GMPS: variants seen among roughly 807,000 people sequenced by gnomAD.
The protein encoded by GMPS is guanosine monophosphate synthase.
In GMPS, 15 loss-of-function variants were observed where a neutral mutation model predicts 77.9. The ratio of observed to expected loss-of-function variants is 0.19; its 90% confidence interval spans 0.13 to 0.30. The LOEUF (loss-of-function observed/expected upper bound fraction) is 0.30. Ranked by LOEUF, GMPS falls within the 10% of genes least tolerant of loss-of-function variation. GMPS has a pLI of 1.00. For synonymous variants in GMPS, 224 were observed against 275.9 expected (o/e 0.81, Z 1.86); for missense variants, 590 against 838.8 (o/e 0.70, Z 3.66).
At chr3:155,914,930 A>C (rs1755135732) in intron 8 of GMPS, among the ~76,000 whole-genome samples, 1 of 151,570 alleles carries the variant, frequency 6.6e-6, no homozygotes, top group Non-Finnish European at 1.5e-5. Flanking sequence ...CATCATGCCC[A>C]GCTAATTTTT....
rs1755122967 is a variant in GMPS, at chr3:155,914,531, T to G, written c.999T>G (p.Pro333=). The G allele has an allele frequency of 6.3e-6, 10 of 1,595,440 alleles. No homozygotes were observed. The highest frequency in any genetic ancestry group is 1.4e-5 in the African/African-American group (1 of 73,860). ...ISKTLNMTTS[P]EEKRKIIGDT... ...AAACGTTAAATATGACCACAAGTCC[T>G]GAAGAGAAAAGAAAAATCATTGGGG... The change falls in exon 8 of 16, where the codon CCT becomes CCG. Residue 333 remains proline, a synonymous_variant. Coordinates refer to ENST00000496455, the MANE Select transcript of GMPS (RefSeq NM_003875.3).
chr3:155,930,656 A>G (rs1308348080), intron 12 of GMPS, among the ~76,000 whole-genome samples: 1 of 152,186 alleles, frequency 6.6e-6, no homozygotes, highest in African/African-American at 2.4e-5. Flanking sequence ...ACTCAAACAA[A>G]TTTACAAGAA....
intron 1 of GMPS, among the ~76,000 whole-genome samples, chr3:155,887,627 A>G (rs1006273556): frequency 6.6e-6 from 1 of 152,212 alleles, no homozygotes; most frequent in African/African-American, 2.4e-5. Flanking sequence ...AAAACCATAA[A>G]CACCTTGTTT....
chr3:155,925,400 CTTTTTT>C, intron 12 of GMPS, 34 bp downstream of exon 12: 1 of 1,249,182 alleles, frequency 8.0e-7, no homozygotes. Flanking sequence ...CAGTGATATA[CTTTTTT>C]TTTTTTTTCT....
rs58227176 is a variant in GMPS, at chr3:155,942,236, G to A, written c.*4544G>A. The A allele has an allele frequency of 0.081, 14,759 of 181,650 alleles. 714 individuals are homozygous for A. Among genetic ancestry groups the A allele is most frequent in the South Asian group, 0.11 (548 of 5,052 alleles). 11.3% of individuals were successfully genotyped at this position (181,650 alleles called of 1,614,324 possible). A position where few individuals can be genotyped will look rare whatever the true frequency, so the allele number is the denominator to read the frequency against. ...CGAGTAGCTGGGACTACAGGCGCCCGCCACTACGCCCGGCTAATTTTTTTG... is the reference window on the plus strand; with the variant it reads ...CGAGTAGCTGGGACTACAGGCGCCCACCACTACGCCCGGCTAATTTTTTTG... On this transcript the variant is annotated 3_prime_UTR_variant, in exon 16 of 16. Transcript: ENST00000496455.
chr3:155,882,413 A>T (rs1754231041), intron 1 of GMPS, among the ~76,000 whole-genome samples: 1 of 152,318 alleles, frequency 6.6e-6, no homozygotes, highest in Admixed American at 6.5e-5. Flanking sequence ...AGAGAGTTAC[A>T]TATGTCTGGT....
At chr3:155,890,890 T>G (rs1344543201) in intron 1 of GMPS, among the ~76,000 whole-genome samples, 1 of 152,238 alleles carries the variant, frequency 6.6e-6, no homozygotes, top group East Asian at 1.9e-4. Flanking sequence ...TGCTGCATTT[T>G]CATCTTTGTT....
At chr3:155,899,180 C>G (rs1310985415) in intron 3 of GMPS, among the ~76,000 whole-genome samples, 1 of 152,040 alleles carries the variant, frequency 6.6e-6, no homozygotes, top group Non-Finnish European at 1.5e-5. Flanking sequence ...CCAGCCTGAC[C>G]AACATGGAGA....
At chr3:155,878,297 T>C (rs1472021908) in intron 1 of GMPS, among the ~76,000 whole-genome samples, 1 of 152,248 alleles carries the variant, frequency 6.6e-6, no homozygotes, top group Non-Finnish European at 1.5e-5. Flanking sequence ...TCACTTAGCA[T>C]AATGCTTTCA....
intron 12 of GMPS, among the ~76,000 whole-genome samples, chr3:155,930,011 C>G (rs1186827450): frequency 2.7e-5 from 4 of 149,922 alleles, no homozygotes; most frequent in African/African-American, 9.8e-5. Flanking sequence ...TTGGAAAAAA[C>G]TAAAGTTCAT....
In GMPS at chr3:155,925,170, A is replaced by T; in HGVS notation, c.1435-71A>T. 5.3e-6 allele frequency: 7 copies of T among 1,321,100 alleles called. No homozygotes were observed. The South Asian group carries it at 8.0e-5, about 15-fold the overall frequency. The allele number at this position is 1,321,100 out of a possible 1,614,324, so 81.8% of individuals were successfully genotyped here. On this transcript the variant is annotated intron_variant, in intron 11 of 15. Coordinates refer to ENST00000496455, the MANE Select transcript of GMPS (RefSeq NM_003875.3). Reference sequence around the variant, plus strand: ...TAAAAACCAGTAAAATACATAAGATAGTAGTAGATAATAAAAGAGTGAATA... The same window carrying T: ...TAAAAACCAGTAAAATACATAAGATTGTAGTAGATAATAAAAGAGTGAATA...
chr3:155,908,836 T>C (rs1754960792), intron 5 of GMPS, among the ~76,000 whole-genome samples: 2 of 152,160 alleles, frequency 1.3e-5, no homozygotes, highest in South Asian at 2.1e-4. Flanking sequence ...GCCTGGACTT[T>C]AGAGGAGAAA....
At chr3:155,888,971 TCCA>T (rs1203512538) in intron 1 of GMPS, among the ~76,000 whole-genome samples, 3 of 151,998 alleles carry the variant, frequency 2.0e-5, no homozygotes, top group Admixed American at 6.6e-5. Flanking sequence ...TCTGCCTCCC[TCCA>T]CTACCGCCTC....
At chr3:155,889,557 A>G (rs1474940716) in intron 1 of GMPS, among the ~76,000 whole-genome samples, 1 of 152,152 alleles carries the variant, frequency 6.6e-6, no homozygotes, top group African/African-American at 2.4e-5. Flanking sequence ...GTGCTGTAGC[A>G]CTAGGGTTTG....
At chr3:155,916,964 C>T (rs1755195783) in intron 9 of GMPS, among the ~76,000 whole-genome samples, 1 of 150,698 alleles carries the variant, frequency 6.6e-6, no homozygotes, top group Non-Finnish European at 1.5e-5. Flanking sequence ...TAAAGCTTAC[C>T]ATCTTAACTC....
intron 1 of GMPS, among the ~76,000 whole-genome samples, chr3:155,881,982 T>A (rs1754216823): frequency 6.6e-6 from 1 of 152,108 alleles, no homozygotes; most frequent in South Asian, 2.1e-4. Flanking sequence ...CTGGGAGGAT[T>A]GCTTGAGCCT....
chr3:155,915,006 G>A (rs1409179268), intron 8 of GMPS, among the ~76,000 whole-genome samples: 1 of 151,892 alleles, frequency 6.6e-6, no homozygotes, highest in African/African-American at 2.4e-5. Flanking sequence ...CTGACCTCAT[G>A]ATCCGCCCGC....
chr3:155,870,649 C>T, upstream of GMPS: 1 of 475,264 alleles, frequency 2.1e-6, no homozygotes. Context: ...GAGGCGGGGG[C>T]AGCGTGCGCG....
At chr3:155,873,873 G>C (rs1753965926) in intron 1 of GMPS, among the ~76,000 whole-genome samples, 1 of 151,094 alleles carries the variant, frequency 6.6e-6, no homozygotes, top group African/African-American at 2.4e-5. Flanking sequence ...CTGGCCTCGT[G>C]ATCCACCTGC....
Sources: gnomAD v4.1 joint callset for allele counts (sites outside exome capture counted in the v4.1 genomes callset) on GRCh38, gnomAD v4.1.1 for gene constraint, MANE v1.5 for transcripts, NCBI Gene and HGNC (gene_info 2026-07-23, HGNC 2026-07-21) for gene names.